Variants in NR2E1 observed in about 807,000 individuals in gnomAD.
NR2E1 encodes nuclear receptor TLX.
In NR2E1, 5 loss-of-function variants were observed where a neutral mutation model predicts 43.6. That is an observed-to-expected ratio of 0.11 (90% CI 0.06 to 0.24). The LOEUF (loss-of-function observed/expected upper bound fraction) is 0.24. Ranked by LOEUF, NR2E1 falls within the 10% of genes least tolerant of loss-of-function variation. NR2E1 has a pLI of 1.00. For synonymous variants in NR2E1, 191 were observed against 195.5 expected (o/e 0.98, Z 0.19); for missense variants, 287 against 496.7 (o/e 0.58, Z 4.01).
intron 8 of NR2E1, among the ~76,000 whole-genome samples, chr6:108,184,009 A>G (rs973411145): frequency 1.3e-5 from 2 of 152,258 alleles, no homozygotes; most frequent in Admixed American, 6.5e-5. Flanking sequence ...CCTGGCCAAC[A>G]TGGTGAAACC....
intron 1 of NR2E1, among the ~76,000 whole-genome samples, chr6:108,168,448 C>T (rs1370132230): frequency 6.6e-6 from 1 of 152,224 alleles, no homozygotes; most frequent in African/African-American, 2.4e-5. Context: ...GCTCTGCCCG[C>T]CTGCGGCTGC....
chr6:108,178,019 G>T (rs1773927681), intron 4 of NR2E1, 76 bp from the exon 5 acceptor site: 4 of 1,488,912 alleles, frequency 2.7e-6, no homozygotes, highest in African/African-American at 1.4e-5. Flanking sequence ...GCTTTAATTA[G>T]AAATTAAAAG....
chr6:108,169,919 AC>A lies in NR2E1; in HGVS notation c.26-1536del, dbSNP rs1347036352. 6.6e-6 allele frequency among the ~76,000 whole-genome samples: 1 copy of A among 151,662 alleles called. No individual in the cohort carries two copies. The highest frequency in any genetic ancestry group is 1.5e-5 in the Non-Finnish European group (1 of 67,922). On this transcript the variant is annotated intron_variant, in intron 1 of 8. Coordinates refer to ENST00000368986, the MANE Select transcript of NR2E1 (RefSeq NM_003269.5). The surrounding 1 kb of genome is among the most constrained non-coding windows in gnomAD (Gnocchi z 6.1). The stretch of plus-strand genomic sequence containing the variant: ...CAGGTGCTGCCGCGGGGTTGTAATT[AC>A]CCGGCCGAGCCTGGTCGTTACCGAA...
rs1582452999 is a variant in NR2E1, at chr6:108,188,002, TTAA to T, written c.*543_*545del. On this transcript the variant is annotated 3_prime_UTR_variant, in exon 9 of 9. Transcript: ENST00000368986. ...TTATTAAGTGGCCTTCAGAACTGAG[TTAA>T]TAAGTGAAAAGTAGCTTATGCCATG... 6.4e-6 allele frequency: 1 copy of T among 157,446 alleles called. No homozygotes were observed. Among genetic ancestry groups the T allele is most frequent in the African/African-American group, 2.4e-5 (1 of 41,500 alleles). 9.8% of individuals were successfully genotyped at this position (157,446 alleles called of 1,614,324 possible).
At chr6:108,167,999 A>C (rs749484040) in intron 1 of NR2E1, 1 of 1,570,752 alleles carries the variant, frequency 6.4e-7, no homozygotes, top group Non-Finnish European at 8.6e-7. Context: ...TTAGAGCAAA[A>C]TGAACGTGAA....
At chr6:108,171,733 C>T in intron 2 of NR2E1, 130 bp downstream of exon 2, 1 of 1,190,158 alleles carries the variant, frequency 8.4e-7, no homozygotes, top group Non-Finnish European at 1.2e-6. Flanking sequence ...CCTTCCTCTC[C>T]CCTCCTTCTT....
At chr6:108,167,928 C>A in intron 1 of NR2E1, 9 of 1,316,688 alleles carry the variant, frequency 6.8e-6, no homozygotes, top group South Asian at 5.9e-5. Context: ...CCTCCTACCC[C>A]CCTCCAAGAA....
In NR2E1 at chr6:108,187,959, CCCCTCTATTGTAAT is replaced by C; in HGVS notation, c.*497_*510del. 1 of 178,952 alleles carries C rather than the reference CCCCTCTATTGTAAT, an allele frequency of 5.6e-6. No individual in the cohort carries two copies. The highest frequency in any genetic ancestry group is 1.2e-4 in the South Asian group (1 of 8,036). 11.1% of individuals were successfully genotyped at this position (178,952 alleles called of 1,614,324 possible). ...AAATTAAAAGTGTTATCAAAAGTTTCCCCTCTATTGTAATACATTATTAAGTGGCCTTCAGAACT... is the reference window on the plus strand; with the variant it reads ...AAATTAAAAGTGTTATCAAAAGTTTCACATTATTAAGTGGCCTTCAGAACT... On this transcript the variant is annotated 3_prime_UTR_variant, in exon 9 of 9. Transcript: ENST00000368986.
chr6:108,180,212 C>T lies in NR2E1; in HGVS notation c.643-111C>T. ...AGCTAGAATATTCAGAAAAAATTACCAAGACAGGCATTTAAAACACTTTTT... is the reference window on the plus strand; with the variant it reads ...AGCTAGAATATTCAGAAAAAATTACTAAGACAGGCATTTAAAACACTTTTT... On this transcript the variant is annotated intron_variant, in intron 5 of 8. Transcript: ENST00000368986. This position sits in a 1 kb window ranked among gnomAD's most constrained non-coding sequence, Gnocchi z 5.4. 1.3e-6 allele frequency: 1 copy of T among 752,512 alleles called. No individual in the cohort carries two copies. The highest frequency in any genetic ancestry group is 1.7e-5 in the South Asian group (1 of 58,886). The allele number at this position is 752,512 out of a possible 1,614,324, so 46.6% of individuals were successfully genotyped here. A position where few individuals can be genotyped will look rare whatever the true frequency, so the allele number is the denominator to read the frequency against.
chr6:108,174,632 A>T (rs1773866587), intron 2 of NR2E1, among the ~76,000 whole-genome samples: 1 of 151,900 alleles, frequency 6.6e-6, no homozygotes, highest in South Asian at 2.1e-4. Flanking sequence ...GGCCCTCTTG[A>T]AGTAGCCTGG....
intron 7 of NR2E1, 100 bp from the exon 8 acceptor site, chr6:108,181,446 G>A (rs1463011307): frequency 1.9e-5 from 18 of 963,626 alleles, no homozygotes; most frequent in South Asian, 7.7e-5. Flanking sequence ...CGCCTGCCTC[G>A]GCCTCCCAAA....
intron 5 of NR2E1, among the ~76,000 whole-genome samples, chr6:108,178,636 G>T (rs1773939497): frequency 6.6e-6 from 1 of 152,144 alleles, no homozygotes; most frequent in East Asian, 1.9e-4. Context: ...GTAAGAGTAT[G>T]CCCTCATGAG....
intron 2 of NR2E1, among the ~76,000 whole-genome samples, 178 bp downstream of exon 2, chr6:108,171,781 G>A (rs950969069): frequency 6.6e-6 from 1 of 152,134 alleles, no homozygotes; most frequent in Non-Finnish European, 1.5e-5. Flanking sequence ...GGGGAAAGGC[G>A]GGAAGAGGTA....
chr6:108,176,395 T>G, intron 3 of NR2E1, 108 bp from the exon 4 acceptor site: 36 of 1,053,618 alleles, frequency 3.4e-5, no homozygotes, highest in Non-Finnish European at 4.8e-5. Flanking sequence ...TCTTGGGCGA[T>G]TTTGCCCGCC....
intron 8 of NR2E1, among the ~76,000 whole-genome samples, chr6:108,183,913 C>T (rs1029496051): frequency 6.6e-6 from 1 of 152,054 alleles, no homozygotes; most frequent in Non-Finnish European, 1.5e-5. Context: ...ACTTGTAGGC[C>T]GGGCACAGTG....
chr6:108,166,547 G>C lies in NR2E1; in HGVS notation c.-219G>C. ...ATTCCCAGCAGCTGCGGTTTTGCAAGAGCCGGGAAGAAACTTAAGGATGCT... is the reference window on the plus strand; with the variant it reads ...ATTCCCAGCAGCTGCGGTTTTGCAACAGCCGGGAAGAAACTTAAGGATGCT... On this transcript the variant is annotated 5_prime_UTR_variant, in exon 1 of 9. Coordinates refer to ENST00000368986, the MANE Select transcript of NR2E1 (RefSeq NM_003269.5). The surrounding 1 kb of genome is among the most constrained non-coding windows in gnomAD (Gnocchi z 7.2). 4.0e-6 allele frequency: 2 copies of C among 504,170 alleles called. No homozygotes were observed. The highest frequency in any genetic ancestry group is 3.4e-5 in the East Asian group (1 of 29,230). 31.2% of individuals were successfully genotyped at this position (504,170 alleles called of 1,614,324 possible). A position where few individuals can be genotyped will look rare whatever the true frequency, so the allele number is the denominator to read the frequency against.
Position 108,187,314 on chromosome 6 carries a change from C to A in NR2E1, c.1009C>A (p.Pro337Thr). ...SYIHTRYPTQ[P>T]CRFGKLLLLL... ...CTCACATTCCAGATATCCCACTCAA[C>A]CCTGTCGCTTTGGAAAACTCCTGTT... is the stretch of plus-strand genomic sequence containing the variant. Residue 337 changes from proline to threonine, a missense_variant, in exon 9 of 9, where the codon CCC (proline) becomes ACC (threonine). Pro to Thr is a conservative substitution (Grantham distance 38). Transcript: ENST00000368986. The A allele has an allele frequency of 6.2e-7, 1 of 1,614,236 alleles. No homozygotes were observed. Among genetic ancestry groups the A allele is most frequent in the Non-Finnish European group, 8.5e-7 (1 of 1,180,042 alleles).
At chr6:108,170,350 A>G (rs1331053144) in intron 1 of NR2E1, among the ~76,000 whole-genome samples, 1 of 152,216 alleles carries the variant, frequency 6.6e-6, no homozygotes, top group Non-Finnish European at 1.5e-5. Context: ...TTAACAGTTT[A>G]ATACTCCCTT....
In NR2E1 at chr6:108,188,553, C is replaced by CT. The variant is rs1774114473; in HGVS notation, c.*1090_*1091insT. 9.2e-6 allele frequency: 1 copy of CT among 108,260 alleles called. No homozygotes were observed. Among genetic ancestry groups the CT allele is most frequent in the Non-Finnish European group, 2.0e-5 (1 of 50,522 alleles). The allele number at this position is 108,260 out of a possible 1,614,324, so 6.7% of individuals were successfully genotyped here. A position where few individuals can be genotyped will look rare whatever the true frequency, so the allele number is the denominator to read the frequency against. ...CACACACACACACACACACACACAC[C>CT]GTCCTACACTTTAAGCTGCTCCTTT... On this transcript the variant is annotated 3_prime_UTR_variant, in exon 9 of 9. Transcript: ENST00000368986.
Sources: gnomAD v4.1 joint callset for allele counts (sites outside exome capture counted in the v4.1 genomes callset) on GRCh38, gnomAD v4.1.1 for gene constraint, Gnocchi (gnomAD v3.1) non-coding constraint, MANE v1.5 for transcripts, NCBI Gene and HGNC (gene_info 2026-07-23, HGNC 2026-07-21) for gene names.